The following SLC27A4 variants were observed in gnomAD, a reference collection of about 807,000 sequenced individuals.
SLC27A4 encodes the protein solute carrier family 27 member 4, also known as long-chain fatty acid transport protein 4.
In SLC27A4, 33 loss-of-function variants were observed where a neutral mutation model predicts 64.4. The ratio of observed to expected loss-of-function variants is 0.51; its 90% confidence interval spans 0.39 to 0.68. SLC27A4 has a LOEUF of 0.68. Ranked by LOEUF, SLC27A4 falls within the 30% of genes least tolerant of loss-of-function variation. SLC27A4 has a pLI of 0.00. For synonymous variants in SLC27A4, 377 were observed against 370.0 expected, an observed-to-expected ratio of 1.02 and a Z score of -0.22; for missense variants, 824 against 883.5, an observed-to-expected ratio of 0.93 and a Z score of 0.85.
In SLC27A4 at chr9:128,352,905, G is replaced by A. The variant is rs575494018; in HGVS notation, c.988-120G>A. 33 of 1,105,154 alleles carry A rather than the reference G, an allele frequency of 3.0e-5. 1 individual carries two copies. Among genetic ancestry groups the A allele is most frequent in the South Asian group, 1.1e-4 (8 of 75,086 alleles). The allele number at this position is 1,105,154 out of a possible 1,614,324, so 68.5% of individuals were successfully genotyped here. A position where few individuals can be genotyped will look rare whatever the true frequency, so the allele number is the denominator to read the frequency against. The stretch of plus-strand genomic sequence containing the variant: ...TGTTCAGATGGGAAGGCTGAGACCC[G>A]GAGAGGGAAAGGATGGCATGGCCAG... On this transcript the variant is annotated intron_variant, in intron 7 of 12. Coordinates refer to ENST00000300456, the MANE Select transcript of SLC27A4 (RefSeq NM_005094.4).
In SLC27A4 at chr9:128,348,542, C is replaced by T; in HGVS notation, c.557-3C>T. 1.2e-6 allele frequency: 2 copies of T among 1,613,000 alleles called. No homozygotes were observed. The highest frequency in any genetic ancestry group is 1.7e-6 in the Non-Finnish European group (2 of 1,180,040). ...GCCTGCTGACTGCCCTGTCTCCCCACAGCCATCTGTGAGGTCCATGCCAGC... is the reference window on the plus strand; with the variant it reads ...GCCTGCTGACTGCCCTGTCTCCCCATAGCCATCTGTGAGGTCCATGCCAGC... On this transcript the variant is annotated splice_region_variant and splice_polypyrimidine_tract_variant and intron_variant, in intron 3 of 12. Coordinates refer to ENST00000300456, the MANE Select transcript of SLC27A4 (RefSeq NM_005094.4).
chr9:128,353,579 T>C lies in SLC27A4; in HGVS notation c.1324+38T>C, dbSNP rs1032726959. 6.2e-7 allele frequency: 1 copy of C among 1,609,346 alleles called. No homozygotes were observed. The highest frequency in any genetic ancestry group is 8.5e-7 in the Non-Finnish European group (1 of 1,176,974). Reference sequence around the variant, plus strand: ...GGGGTCAGAGAGGGAGGGGTTGGCCTGGGAAGGAAGGAGGCCAGGCGCGTG... The same window carrying C: ...GGGGTCAGAGAGGGAGGGGTTGGCCCGGGAAGGAAGGAGGCCAGGCGCGTG... On this transcript the variant is annotated intron_variant, in intron 9 of 12. Transcript: ENST00000300456. This position sits in a 1 kb window ranked among gnomAD's most constrained non-coding sequence, Gnocchi z 4.9.
intron 12 of SLC27A4, among the ~76,000 whole-genome samples, chr9:128,357,216 C>G (rs966565278): frequency 6.8e-6 from 1 of 146,036 alleles, no homozygotes; most frequent in African/African-American, 2.6e-5. Context: ...AAACCGAGAC[C>G]GTGCCACTGC....
In SLC27A4 at chr9:128,360,862, G is replaced by C. The variant is rs890200821; in HGVS notation, c.*371G>C. The C allele has an allele frequency of 6.6e-6, 2 of 301,176 alleles. No individual in the cohort carries two copies. Among genetic ancestry groups the C allele is most frequent in the Non-Finnish European group, 1.3e-5 (2 of 154,680 alleles). The allele number at this position is 301,176 out of a possible 1,614,324, so 18.7% of individuals were successfully genotyped here. A position where few individuals can be genotyped will look rare whatever the true frequency, so the allele number is the denominator to read the frequency against. ...ACCAGAGCAGAAGTCCCCAGACTCA[G>C]GAAGTCAACAGAGTGGGCAGGGACA... On this transcript the variant is annotated 3_prime_UTR_variant, in exon 13 of 13. Coordinates refer to ENST00000300456, the MANE Select transcript of SLC27A4 (RefSeq NM_005094.4).
chr9:128,348,701 C>G lies in SLC27A4; in HGVS notation c.713C>G (p.Thr238Arg). The G allele has an allele frequency of 6.2e-7, 1 of 1,613,896 alleles. No homozygotes were observed. The highest frequency in any genetic ancestry group is 8.5e-7 in the Non-Finnish European group (1 of 1,180,000). Reference protein sequence around the residue: ...HLPSCPDKGFTDKLFYIYTSG... With the variant: ...HLPSCPDKGFRDKLFYIYTSG... ...CCCAGTTGCCCTGACAAGGGCTTCA[C>G]AGGTGGGCTCCATCCCCTCCCCATA... The change falls in exon 4 of 13, where the codon ACA (threonine) becomes AGA (arginine). Residue 238 changes from threonine (T) to arginine (R), a missense_variant and splice_region_variant. Thr to Arg is a moderately conservative substitution (Grantham distance 71, BLOSUM62 -1). Transcript: ENST00000300456.
In SLC27A4 at chr9:128,355,109, G is replaced by C; in HGVS notation, c.1381G>C (p.Asp461His). 1 of 1,613,554 alleles carries C rather than the reference G, an allele frequency of 6.2e-7. No homozygotes were observed. The highest frequency in any genetic ancestry group is 8.5e-7 in the Non-Finnish European group (1 of 1,179,806). ...CCAGAAAGACCCCCTGCGCCGCTTC[G>C]ATGGCTACCTCAACCAGGGCGCCAA... ...IIQKDPLRRF[D>H]GYLNQGANNK... The change falls in exon 10 of 13, where the codon GAT becomes CAT. Residue 461 changes from aspartate to histidine, a missense_variant. Physicochemically the swap from Asp to His is moderately conservative, Grantham distance 81. Transcript: ENST00000300456.
chr9:128,349,728 C>G (rs1588559473), intron 4 of SLC27A4, among the ~76,000 whole-genome samples: 1 of 152,292 alleles, frequency 6.6e-6, no homozygotes, highest in Admixed American at 6.5e-5. Context: ...AACCTCAAGT[C>G]TGGTAGGGCC....
chr9:128,348,896 A>G (rs941810854), intron 4 of SLC27A4, among the ~76,000 whole-genome samples, 193 bp downstream of exon 4: 3 of 152,188 alleles, frequency 2.0e-5, no homozygotes, highest in Admixed American at 6.5e-5. Flanking sequence ...AGGTGACATG[A>G]GCTGATGTGT....
chr9:128,349,225 T>C (rs1832700121), intron 4 of SLC27A4, among the ~76,000 whole-genome samples: 1 of 152,222 alleles, frequency 6.6e-6, no homozygotes, highest in South Asian at 2.1e-4. Flanking sequence ...GTAGCCTACC[T>C]GGTTCTTCTG....
chr9:128,343,220 T>A lies in SLC27A4; in HGVS notation c.88T>A (p.Leu30Met). The change falls in exon 2 of 13, where the codon TTG (leucine) becomes ATG (methionine). Residue 30 changes from leucine (L) to methionine (M), a missense_variant. Coordinates refer to ENST00000300456, the MANE Select transcript of SLC27A4 (RefSeq NM_005094.4). ...LPWTQVGFSLLFLYLGSGGWR... is the reference protein window; with the variant it reads ...LPWTQVGFSLMFLYLGSGGWR... Reference sequence around the variant, plus strand: ...CTGGACCCAGGTGGGATTCTCCCTGTTGTTCCTCTACTTGGGATCTGGCGG... The same window carrying A: ...CTGGACCCAGGTGGGATTCTCCCTGATGTTCCTCTACTTGGGATCTGGCGG... 6.2e-7 allele frequency: 1 copy of A among 1,614,216 alleles called. No individual in the cohort carries two copies. Among genetic ancestry groups the A allele is most frequent in the Non-Finnish European group, 8.5e-7 (1 of 1,180,038 alleles).
intron 2 of SLC27A4, 106 bp downstream of exon 2, chr9:128,343,399 A>G: frequency 2.2e-6 from 3 of 1,336,316 alleles, no homozygotes; most frequent in Non-Finnish European, 3.2e-6. Flanking sequence ...AGCACAGGGC[A>G]GCTGAGCTGA....
chr9:128,355,935 G>T (rs1006531217), intron 12 of SLC27A4, 139 bp downstream of exon 12: 3 of 1,100,582 alleles, frequency 2.7e-6, no homozygotes, highest in Non-Finnish European at 4.1e-6. Flanking sequence ...GTGTAGAGGT[G>T]AGCAGACGGG....
intron 12 of SLC27A4, among the ~76,000 whole-genome samples, chr9:128,357,934 CTG>C (rs1270749918): frequency 6.6e-6 from 1 of 152,174 alleles, no homozygotes; most frequent in East Asian, 1.9e-4. Flanking sequence ...GTTGGAGACA[CTG>C]TGGCCAGGCT....
chr9:128,350,068 C>A (rs1832710666), intron 4 of SLC27A4, among the ~76,000 whole-genome samples: 2 of 152,236 alleles, frequency 1.3e-5, no homozygotes, highest in Non-Finnish European at 2.9e-5. Context: ...AGGCCCGTGC[C>A]CATCTTACTC....
chr9:128,342,559 G>A lies in SLC27A4; in HGVS notation c.-6-568G>A, dbSNP rs1322082976. On this transcript the variant is annotated intron_variant, in intron 1 of 12. Coordinates refer to ENST00000300456, the MANE Select transcript of SLC27A4 (RefSeq NM_005094.4). ...CCTCTCCCATCTGTCTATCTGGCTG[G>A]CAGGGAAGGAAAGAACTTGCTTGTT... is the stretch of plus-strand genomic sequence containing the variant. The A allele has an allele frequency of 4.6e-5, 29 of 635,404 alleles. No homozygotes were observed. In the South Asian group the frequency reaches 5.0e-4, roughly 11 times the overall value. 39.4% of individuals were successfully genotyped at this position (635,404 alleles called of 1,614,324 possible). A position where few individuals can be genotyped will look rare whatever the true frequency, so the allele number is the denominator to read the frequency against.
intron 3 of SLC27A4, among the ~76,000 whole-genome samples, chr9:128,347,359 G>T (rs965756239): frequency 7.9e-5 from 12 of 152,158 alleles, no homozygotes; most frequent in Middle Eastern, 3.2e-3. Context: ...TTGATCTTCA[G>T]CTTGATCACA....
intron 3 of SLC27A4, among the ~76,000 whole-genome samples, chr9:128,348,124 C>T (rs1458003812): frequency 1.3e-5 from 2 of 152,148 alleles, no homozygotes; most frequent in East Asian, 3.9e-4. Context: ...CTGACCCGCA[C>T]TCCTCCCTTC....
Position 128,353,608 on chromosome 9 carries a change from A to G in SLC27A4, c.1324+67A>G. 1.3e-6 allele frequency: 2 copies of G among 1,566,238 alleles called. No individual in the cohort carries two copies. Among genetic ancestry groups the G allele is most frequent in the African/African-American group, 1.3e-5 (1 of 74,152 alleles). ...AAGGAAGGAGGCCAGGCGCGTGTGG[A>G]TGGGGAGCCTTGTTCTGACCAGTGG... is the stretch of plus-strand genomic sequence containing the variant. On this transcript the variant is annotated intron_variant, in intron 9 of 12. Transcript: ENST00000300456. The surrounding 1 kb of genome is among the most constrained non-coding windows in gnomAD (Gnocchi z 4.9).
In SLC27A4 at chr9:128,345,685, G is replaced by A. The variant is rs1832646547; in HGVS notation, c.556+136G>A. On this transcript the variant is annotated intron_variant, in intron 3 of 12. Coordinates refer to ENST00000300456, the MANE Select transcript of SLC27A4 (RefSeq NM_005094.4). This position sits in a 1 kb window ranked among gnomAD's most constrained non-coding sequence, Gnocchi z 4.1. Reference sequence around the variant, plus strand: ...AGTGGAGTCAGACAGCTTAGGCAGTGCCACGAGTAAACGAGATCCTGGGGA... The same window carrying A: ...AGTGGAGTCAGACAGCTTAGGCAGTACCACGAGTAAACGAGATCCTGGGGA... 2 of 1,052,934 alleles carry A rather than the reference G, an allele frequency of 1.9e-6. No homozygotes were observed. The highest frequency in any genetic ancestry group is 2.9e-5 in the Admixed American group (1 of 34,452). The allele number at this position is 1,052,934 out of a possible 1,614,324, so 65.2% of individuals were successfully genotyped here.
Sources: allele counts gnomAD v4.1 joint callset (sites outside exome capture counted in the v4.1 genomes callset), GRCh38; gene constraint gnomAD v4.1.1; non-coding constraint Gnocchi (gnomAD v3.1); transcripts MANE v1.5; gene names NCBI Gene and HGNC (gene_info 2026-07-23, HGNC 2026-07-21).